Variants in RFTN1 observed in about 807,000 individuals in gnomAD.
The protein encoded by RFTN1 is raftlin.
RFTN1 carries 26 observed loss-of-function variants against 46.5 expected under a neutral mutation model. That is an observed-to-expected ratio of 0.56 (90% confidence interval 0.41 to 0.78). The LOEUF (loss-of-function observed/expected upper bound fraction) is 0.78, where lower values mean the gene tolerates loss of function less well. Ranked by LOEUF, RFTN1 falls within the 30% of genes least tolerant of loss-of-function variation. The pLI is 0.00. For synonymous variants in RFTN1, 261 were observed against 284.2 expected (o/e 0.92, Z 0.82); for missense variants, 693 against 718.7 (o/e 0.96, Z 0.41).
At position 16,355,845 on chromosome 3, in the gene RFTN1, A is replaced by AT. The variant is rs2072398677; in HGVS notation, c.1146+2086dup. ...ATTTTTAAGAACCATTTTATAGATG[A>AT]TTTTGGATCACTGCCATCAAGTCAT... On this transcript the variant is annotated intron_variant, in intron 7 of 9. Coordinates refer to ENST00000334133, the MANE Select transcript of RFTN1 (RefSeq NM_015150.2). 2.0e-5 allele frequency among the ~76,000 whole-genome samples: 3 copies of AT among 152,194 alleles called. No individual in the cohort carries two copies. In the South Asian group the frequency reaches 6.2e-4, roughly 32 times the overall value.
In RFTN1 at chr3:16,499,441, AAG is replaced by A. The variant is rs1389721653; in HGVS notation, c.-8-5566_-8-5565del. ...CCATGAGGAAGCTCAAGTAGCCCCA[AAG>A]AGGGGCCCATGTGGAGAGGAACCGA... On this transcript the variant is annotated intron_variant, in intron 1 of 9. Coordinates refer to ENST00000334133, the MANE Select transcript of RFTN1 (RefSeq NM_015150.2). This position sits in a 1 kb window ranked among gnomAD's most constrained non-coding sequence, Gnocchi z 4.9. Among the ~76,000 whole-genome samples, 1 of 152,162 alleles carries A rather than the reference AAG, an allele frequency of 6.6e-6. No individual in the cohort carries two copies. The highest frequency in any genetic ancestry group is 1.9e-4 in the East Asian group (1 of 5,202).
intron 2 of RFTN1, among the ~76,000 whole-genome samples, chr3:16,478,689 T>G (rs1365509310): frequency 6.6e-6 from 1 of 152,182 alleles, no homozygotes; most frequent in African/African-American, 2.4e-5. Flanking sequence ...AAGGCTCCAC[T>G]GGGGGAAGAT....
At chr3:16,359,049 AAAAG>A (rs1342334774) in intron 6 of RFTN1, among the ~76,000 whole-genome samples, 128 of 147,152 alleles carry the variant, frequency 8.7e-4, no homozygotes, top group Non-Finnish European at 1.5e-3. Context: ...AAAAAAAAAA[AAAAG>A]AAATACTGAA....
rs1377230286 is a variant in RFTN1 at position 16,333,809 on chromosome 3, C to T, written c.1147-6933G>A. ...GGGCCAAAGATATGAAGAGAGATCACAGAAGATTCAAACACCCACTAAGTG... is the reference window on the plus strand; with the variant it reads ...GGGCCAAAGATATGAAGAGAGATCATAGAAGATTCAAACACCCACTAAGTG... On this transcript the variant is annotated intron_variant, in intron 7 of 9. Transcript: ENST00000334133. Among the ~76,000 whole-genome samples the T allele has an allele frequency of 2.6e-5, 4 of 152,224 alleles. No homozygotes were observed. In the East Asian group the frequency reaches 7.7e-4, roughly 29 times the overall value.
At chr3:16,396,614 G>A (rs1372842808) in intron 4 of RFTN1, among the ~76,000 whole-genome samples, 1 of 152,188 alleles carries the variant, frequency 6.6e-6, no homozygotes, top group East Asian at 1.9e-4. Context: ...CCCTCCATTA[G>A]AGGTTTCATT....
chr3:16,326,371 A>G (rs569564756), intron 8 of RFTN1, among the ~76,000 whole-genome samples: 2 of 152,340 alleles, frequency 1.3e-5, no homozygotes, highest in East Asian at 3.9e-4. Context: ...TTTAATAATA[A>G]TACAATTCTA....
chr3:16,429,391 C>A lies in RFTN1; in HGVS notation c.332+4460G>T, dbSNP rs1219082048. 6.6e-6 allele frequency among the ~76,000 whole-genome samples: 1 copy of A among 152,198 alleles called. No homozygotes were observed. Among genetic ancestry groups the A allele is most frequent in the Non-Finnish European group, 1.5e-5 (1 of 68,042 alleles). On this transcript the variant is annotated intron_variant, in intron 3 of 9. Coordinates refer to ENST00000334133, the MANE Select transcript of RFTN1 (RefSeq NM_015150.2). This position sits in a 1 kb window ranked among gnomAD's most constrained non-coding sequence, Gnocchi z 6.4. ...TTTCATTAGGAGATTTAAATAAACT[C>A]TTCCTGCCTCATGCTCATTACTCCC...
intron 4 of RFTN1, among the ~76,000 whole-genome samples, chr3:16,393,121 G>A (rs1170732599): frequency 3.3e-5 from 5 of 152,106 alleles, no homozygotes; most frequent in East Asian, 3.8e-4. Context: ...AAACAGTAAC[G>A]TGTCTTAAGA....
chr3:16,511,066 C>T (rs1055520506), intron 1 of RFTN1, among the ~76,000 whole-genome samples: 1 of 152,122 alleles, frequency 6.6e-6, no homozygotes, highest in Non-Finnish European at 1.5e-5. Flanking sequence ...AGTTCAAGAA[C>T]AAGCCAAACT....
intron 2 of RFTN1, among the ~76,000 whole-genome samples, chr3:16,437,703 T>C (rs1559347264): frequency 6.6e-6 from 1 of 152,044 alleles, no homozygotes; most frequent in Non-Finnish European, 1.5e-5. Flanking sequence ...GTTTTTTCCT[T>C]TCACTTTAAG....
Position 16,363,778 on chromosome 3 carries a change from A to G in RFTN1, c.1031-5731T>C, listed in dbSNP as rs112308374. ...TCCACCCTGGACTAGCTGGCATAACAGATCCTCTTGGCTCTCTGAGGGCGC... is the reference window on the plus strand; with the variant it reads ...TCCACCCTGGACTAGCTGGCATAACGGATCCTCTTGGCTCTCTGAGGGCGC... On this transcript the variant is annotated intron_variant, in intron 6 of 9. Coordinates refer to ENST00000334133, the MANE Select transcript of RFTN1 (RefSeq NM_015150.2). Among the ~76,000 whole-genome samples, 859 of 151,786 alleles carry G rather than the reference A, an allele frequency of 5.7e-3. 9 individuals carry two copies. Among genetic ancestry groups the G allele is most frequent in the African/African-American group, 0.019 (801 of 41,472 alleles).
At position 16,384,208 on chromosome 3, in the gene RFTN1, T is replaced by A. The variant is rs1180711814; in HGVS notation, c.442-6106A>T. ...TGCAACACCAGTCCTTACCTGAATG[T>A]CCAGTCTGCTGGACTGCCCTGCAGA... On this transcript the variant is annotated intron_variant, in intron 4 of 9. Coordinates refer to ENST00000334133, the MANE Select transcript of RFTN1 (RefSeq NM_015150.2). The surrounding 1 kb of genome is among the most constrained non-coding windows in gnomAD (Gnocchi z 4.7). Among the ~76,000 whole-genome samples, 1 of 152,214 alleles carries A rather than the reference T, an allele frequency of 6.6e-6. No individual in the cohort carries two copies. Among genetic ancestry groups the A allele is most frequent in the Non-Finnish European group, 1.5e-5 (1 of 68,038 alleles).
At position 16,407,201 on chromosome 3, in the gene RFTN1, G is replaced by C. The variant is rs2074879730; in HGVS notation, c.441+2174C>G. 6.6e-6 allele frequency among the ~76,000 whole-genome samples: 1 copy of C among 152,174 alleles called. No homozygotes were observed. The highest frequency in any genetic ancestry group is 1.5e-5 in the Non-Finnish European group (1 of 68,032). ...AACTCATATGTTTTCTTTCTTTTAA[G>C]AGACTGGGTCTCACTCTGTCAGCCA... On this transcript the variant is annotated intron_variant, in intron 4 of 9. Transcript: ENST00000334133. The surrounding 1 kb of genome is among the most constrained non-coding windows in gnomAD (Gnocchi z 4.0).
At position 16,489,677 on chromosome 3, in the gene RFTN1, G is replaced by A. The variant is rs144420310; in HGVS notation, c.145+4048C>T. Among the ~76,000 whole-genome samples the A allele has an allele frequency of 2.6e-3, 397 of 152,248 alleles. 1 individual carries two copies. The highest frequency in any genetic ancestry group is 8.6e-3 in the African/African-American group (357 of 41,536). On this transcript the variant is annotated intron_variant, in intron 2 of 9. Coordinates refer to ENST00000334133, the MANE Select transcript of RFTN1 (RefSeq NM_015150.2). The surrounding 1 kb of genome is among the most constrained non-coding windows in gnomAD (Gnocchi z 4.0). ...AAGCCCAGCACTTTGGGAGGCCGAG[G>A]TGGGTGGACCACTTGAGGTCAGGAG...
chr3:16,366,094 G>A (rs2073151459), intron 6 of RFTN1, among the ~76,000 whole-genome samples: 1 of 152,166 alleles, frequency 6.6e-6, no homozygotes, highest in South Asian at 2.1e-4. Flanking sequence ...GGGAAGGCAG[G>A]GCAAAGAGGG....
At chr3:16,397,653 C>A (rs375718428) in intron 4 of RFTN1, among the ~76,000 whole-genome samples, 120 of 152,200 alleles carry the variant, frequency 7.9e-4, no homozygotes, top group African/African-American at 2.7e-3. Context: ...ACCACACCCC[C>A]GCCCACCCCA....
intron 6 of RFTN1, among the ~76,000 whole-genome samples, chr3:16,362,042 A>G (rs1439687984): frequency 2.0e-5 from 3 of 152,330 alleles, no homozygotes; most frequent in East Asian, 3.9e-4. Context: ...GACTGACACA[A>G]TGCACAACCT....
chr3:16,466,729 G>A lies in RFTN1; in HGVS notation c.145+26996C>T, dbSNP rs757677656. On this transcript the variant is annotated intron_variant, in intron 2 of 9. Coordinates refer to ENST00000334133, the MANE Select transcript of RFTN1 (RefSeq NM_015150.2). This position sits in a 1 kb window ranked among gnomAD's most constrained non-coding sequence, Gnocchi z 5.6. ...CAAGACTGCCAGCTTCTCAAAGCAA[G>A]AACTATACTGAGGTAGGTATAGACA... 6.6e-6 allele frequency among the ~76,000 whole-genome samples: 1 copy of A among 152,102 alleles called. No homozygotes were observed. Among genetic ancestry groups the A allele is most frequent in the Admixed American group, 6.5e-5 (1 of 15,272 alleles).
Position 16,338,661 on chromosome 3 carries a change from G to A in RFTN1, c.1147-11785C>T, listed in dbSNP as rs1182301889. On this transcript the variant is annotated intron_variant, in intron 7 of 9. Coordinates refer to ENST00000334133, the MANE Select transcript of RFTN1 (RefSeq NM_015150.2). The surrounding 1 kb of genome is among the most constrained non-coding windows in gnomAD (Gnocchi z 5.3). ...AGAGAGAAAACTAGGCTTTCTGGGA[G>A]TAAATGGGACTTGCTACTTTATTAC... Among the ~76,000 whole-genome samples the A allele has an allele frequency of 6.6e-6, 1 of 152,222 alleles. No homozygotes were observed. The highest frequency in any genetic ancestry group is 2.4e-5 in the African/African-American group (1 of 41,454).
Sources: allele counts gnomAD v4.1 joint callset (sites outside exome capture counted in the v4.1 genomes callset), GRCh38; gene constraint gnomAD v4.1.1; non-coding constraint Gnocchi (gnomAD v3.1); transcripts MANE v1.5; gene names NCBI Gene and HGNC (gene_info 2026-07-23, HGNC 2026-07-21).